Variants in POLB observed in about 807,000 individuals in gnomAD.
The protein encoded by POLB is DNA polymerase beta.
In POLB, 37 loss-of-function variants were observed where a neutral mutation model predicts 52.7. The ratio of observed to expected loss-of-function variants is 0.70; its 90% CI spans 0.54 to 0.92. The LOEUF is 0.92. Among genes scored for constraint, POLB ranks in the 40% least tolerant of loss-of-function variants. POLB has a pLI of 0.00. For synonymous variants in POLB, 138 were observed against 131.3 expected (o/e 1.05, Z -0.35); for missense variants, 313 against 400.8 (o/e 0.78, Z 1.87).
chr8:42,352,379 T>C lies in POLB; in HGVS notation c.321-140T>C. 5.9e-6 allele frequency: 4 copies of C among 682,754 alleles called. No individual in the cohort carries two copies. The South Asian group carries it at 6.7e-5, about 11-fold the overall frequency. The allele number at this position is 682,754 out of a possible 1,614,324, so 42.3% of individuals were successfully genotyped here. ...TCAATAATTCGTACTTCGGATACAG[T>C]TGAACATTACCAAAGTAGCCATGCA... On this transcript the variant is annotated intron_variant, in intron 5 of 13. Coordinates refer to ENST00000265421, the MANE Select transcript of POLB (RefSeq NM_002690.3).
chr8:42,342,713 G>T, intron 2 of POLB: 1 of 434,866 alleles, frequency 2.3e-6, no homozygotes, highest in Non-Finnish European at 4.2e-6. Flanking sequence ...CTGATGTAGG[G>T]GCCAGGCACA....
At position 42,349,602 on chromosome 8, in the gene POLB, A is replaced by C. The variant is rs1490330000; in HGVS notation, c.262-405A>C. Among the ~76,000 whole-genome samples the C allele has an allele frequency of 2.0e-5, 3 of 152,218 alleles. No homozygotes were observed. The East Asian group carries it at 5.8e-4, about 29-fold the overall frequency. On this transcript the variant is annotated intron_variant, in intron 4 of 13. Transcript: ENST00000265421. The stretch of plus-strand genomic sequence containing the variant: ...ACGGGGTTTCACCATGTTAGCCAGT[A>C]TGGTCTCGATCTCCTGACCTCGTGA...
intron 2 of POLB, chr8:42,342,523 A>G (rs1373556391): frequency 3.5e-6 from 3 of 866,574 alleles, no homozygotes; most frequent in African/African-American, 1.6e-5. Context: ...TTTATCCTGT[A>G]TTACCAAGCG....
intron 2 of POLB, chr8:42,341,939 T>C: frequency 1.5e-6 from 1 of 684,852 alleles, no homozygotes; most frequent in East Asian, 2.7e-5. Context: ...AGCTTTCATC[T>C]CCTTCATCAT....
At position 42,369,329 on chromosome 8, in the gene POLB, A is replaced by G; in HGVS notation, c.767A>G (p.Asp256Gly). ...AAAGAATATCCACACAGAAGAATTGATATCAGGTATTGTTCAGACTTTGTT... is the reference window on the plus strand; with the variant it reads ...AAAGAATATCCACACAGAAGAATTGGTATCAGGTATTGTTCAGACTTTGTT... ...DEKEYPHRRI[D>G]IRLIPKDQYY... Residue 256 changes from aspartate to glycine, a missense_variant, in exon 12 of 14, where the codon GAT becomes GGT. By Grantham distance (94) the Asp-to-Gly change is moderately conservative (BLOSUM62 -1). Transcript: ENST00000265421. The G allele has an allele frequency of 6.4e-7, 1 of 1,566,350 alleles. No homozygotes were observed. Among genetic ancestry groups the G allele is most frequent in the Non-Finnish European group, 8.8e-7 (1 of 1,138,278 alleles).
intron 12 of POLB, 96 bp downstream of exon 12, chr8:42,369,431 A>G: frequency 1.4e-6 from 1 of 713,796 alleles, no homozygotes; most frequent in Admixed American, 2.5e-5. Flanking sequence ...ATTCATATCT[A>G]GAGCCTTTTT....
intron 9 of POLB, among the ~76,000 whole-genome samples, chr8:42,360,196 A>T (rs1262137756): frequency 1.3e-5 from 2 of 151,418 alleles, no homozygotes; most frequent in Non-Finnish European, 2.9e-5. Flanking sequence ...ACCTCAAGTG[A>T]TCCGCCCACC....
chr8:42,353,717 G>A (rs1823127466), intron 6 of POLB, among the ~76,000 whole-genome samples: 1 of 152,140 alleles, frequency 6.6e-6, no homozygotes, highest in Admixed American at 6.6e-5. Flanking sequence ...CAGTGGTTAG[G>A]TAGGCAGGTT....
intron 2 of POLB, among the ~76,000 whole-genome samples, chr8:42,343,654 T>G (rs991053396): frequency 2.6e-5 from 4 of 151,994 alleles, no homozygotes; most frequent in Non-Finnish European, 5.9e-5. Flanking sequence ...TGATTTCTAC[T>G]TACTCCCAAA....
chr8:42,348,471 G>A (rs796931005), intron 3 of POLB, among the ~76,000 whole-genome samples: 18 of 152,284 alleles, frequency 1.2e-4, no homozygotes, highest in African/African-American at 4.1e-4. Flanking sequence ...CCAGAGCAGC[G>A]CTTCTTAGAA....
intron 1 of POLB, 86 bp from the exon 2 acceptor site, chr8:42,338,926 A>C (rs1822022199): frequency 8.4e-7 from 1 of 1,196,434 alleles, no homozygotes; most frequent in Non-Finnish European, 1.2e-6. Context: ...ACTGTCTCTT[A>C]GAGGCTGCCA....
Position 42,353,161 on chromosome 8 carries a change from A to G in POLB, c.370+593A>G, listed in dbSNP as rs530254129. Among the ~76,000 whole-genome samples the G allele has an allele frequency of 4.5e-3, 673 of 150,386 alleles. 4 individuals are homozygous for G. Among genetic ancestry groups the G allele is most frequent in the African/African-American group, 0.016 (652 of 41,118 alleles). Reference sequence around the variant, plus strand: ...GTTTGCAAATTTTTCAAATATCTAAATTGCCTTTATTTCTTTTTTTTTTTT... The same window carrying G: ...GTTTGCAAATTTTTCAAATATCTAAGTTGCCTTTATTTCTTTTTTTTTTTT... On this transcript the variant is annotated intron_variant, in intron 6 of 13. Coordinates refer to ENST00000265421, the MANE Select transcript of POLB (RefSeq NM_002690.3).
At chr8:42,356,611 C>T (rs897308117) in intron 7 of POLB, among the ~76,000 whole-genome samples, 9 of 151,896 alleles carry the variant, frequency 5.9e-5, no homozygotes, top group Non-Finnish European at 1.2e-4. Flanking sequence ...CTCCCCTTAC[C>T]CCCACCTCAG....
intron 2 of POLB, among the ~76,000 whole-genome samples, chr8:42,343,347 T>C (rs374260401): frequency 5.2e-4 from 7 of 13,458 alleles, no homozygotes; most frequent in African/African-American, 8.4e-4. Context: ...AAAAAAAAAA[T>C]ATATATATAT....
intron 7 of POLB, among the ~76,000 whole-genome samples, chr8:42,355,869 C>G (rs1251585029): frequency 6.6e-6 from 1 of 152,160 alleles, no homozygotes; most frequent in Non-Finnish European, 1.5e-5. Flanking sequence ...TTATTTCATG[C>G]TCACATTGTA....
intron 6 of POLB, 98 bp from the exon 7 acceptor site, chr8:42,355,418 C>G (rs1823246354): frequency 1.5e-6 from 1 of 683,646 alleles, no homozygotes; most frequent in Non-Finnish European, 2.7e-6. Context: ...TGTATTTGTT[C>G]CCCAGGTGGT....
At chr8:42,344,799 G>A (rs1822505062) in intron 2 of POLB, among the ~76,000 whole-genome samples, 154 bp from the exon 3 acceptor site, 1 of 152,144 alleles carries the variant, frequency 6.6e-6, no homozygotes, top group African/African-American at 2.4e-5. Flanking sequence ...TGGCAACAGA[G>A]GGAGACTGTC....
At chr8:42,361,225 C>A in intron 9 of POLB, 70 bp from the exon 10 acceptor site, 1 of 1,009,954 alleles carries the variant, frequency 9.9e-7, no homozygotes, top group Non-Finnish European at 1.6e-6. Context: ...TGTGTGTCAT[C>A]AGCTTGGTTC....
intron 4 of POLB, 135 bp from the exon 5 acceptor site, chr8:42,349,872 A>G (rs1172778849): frequency 1.5e-6 from 1 of 654,026 alleles, no homozygotes; most frequent in Non-Finnish European, 2.7e-6. Flanking sequence ...TTACTTGTGA[A>G]TAATTTTGTG....
Sources: allele counts gnomAD v4.1 joint callset (sites outside exome capture counted in the v4.1 genomes callset), GRCh38; gene constraint gnomAD v4.1.1; transcripts MANE v1.5; gene names NCBI Gene and HGNC (gene_info 2026-07-23, HGNC 2026-07-21).